The following ADAMTSL3 variants were observed in gnomAD, a reference collection of about 807,000 sequenced individuals.
ADAMTSL3 encodes ADAMTS like 3, also known as ADAMTS-like protein 3.
ADAMTSL3 carries 128 observed loss-of-function variants against 201.7 expected under a neutral mutation model. That is an observed-to-expected ratio of 0.63 (90% CI 0.55 to 0.73). ADAMTSL3 has a LOEUF of 0.73. Among genes scored for constraint, ADAMTSL3 ranks in the 30% least tolerant of loss-of-function variants. The probability of loss-of-function intolerance (pLI) is 0.00; values close to 1 mark genes in which losing one functional copy is unlikely to be tolerated. For missense variants in ADAMTSL3, 1,990 were observed against 2,119.6 expected, an observed-to-expected ratio of 0.94 and a Z score of 1.20; for synonymous variants, 738 against 748.4, an observed-to-expected ratio of 0.99 and a Z score of 0.23.
chr15:83,842,359 G>A (rs1185370260), intron 7 of ADAMTSL3, among the ~76,000 whole-genome samples: 1 of 152,016 alleles, frequency 6.6e-6, no homozygotes, highest in Non-Finnish European at 1.5e-5. Flanking sequence ...AGCTGAAAGA[G>A]CACACTGTAA....
intron 16 of ADAMTSL3, among the ~76,000 whole-genome samples, chr15:83,916,240 T>G (rs954395357): frequency 1.3e-5 from 2 of 152,214 alleles, no homozygotes; most frequent in Non-Finnish European, 2.9e-5. Flanking sequence ...TTACAAATTT[T>G]AGAAAAGCTC....
intron 17 of ADAMTSL3, among the ~76,000 whole-genome samples, chr15:83,926,968 C>G (rs1393168166): frequency 6.6e-6 from 1 of 151,996 alleles, no homozygotes; most frequent in Non-Finnish European, 1.5e-5. Context: ...TATTTGTAGC[C>G]ATGAATATCA....
At chr15:83,970,863 T>G (rs1283354650) in intron 20 of ADAMTSL3, among the ~76,000 whole-genome samples, 37 of 152,248 alleles carry the variant, frequency 2.4e-4, no homozygotes, top group Admixed American at 2.4e-3. Context: ...AATGCATCTT[T>G]TAGGCTTCCT....
chr15:83,799,026 C>T (rs1287007682), intron 4 of ADAMTSL3, among the ~76,000 whole-genome samples: 2 of 152,134 alleles, frequency 1.3e-5, no homozygotes, highest in African/African-American at 4.8e-5. Context: ...AGAACTTTCA[C>T]TGTCATTTTG....
At chr15:83,765,071 A>C (rs562047364) in intron 3 of ADAMTSL3, among the ~76,000 whole-genome samples, 1 of 152,294 alleles carries the variant, frequency 6.6e-6, no homozygotes, top group South Asian at 2.1e-4. Flanking sequence ...CAGAGGGTAG[A>C]ATGGACTGAA....
intron 2 of ADAMTSL3, among the ~76,000 whole-genome samples, chr15:83,688,745 T>G (rs1016629946): frequency 2.6e-5 from 2 of 76,128 alleles, no homozygotes; most frequent in African/African-American, 1.7e-4. Context: ...AGTATACACA[T>G]GCATATATAT....
chr15:83,656,581 G>T (rs1399409064), intron 2 of ADAMTSL3, among the ~76,000 whole-genome samples: 1 of 152,296 alleles, frequency 6.6e-6, no homozygotes, highest in Middle Eastern at 3.4e-3. Flanking sequence ...GTATTGAAAG[G>T]CAGATAAATG....
chr15:83,988,507 A>G (rs2067522916), intron 21 of ADAMTSL3, among the ~76,000 whole-genome samples, 184 bp from the exon 22 acceptor site: 1 of 152,160 alleles, frequency 6.6e-6, no homozygotes, highest in Non-Finnish European at 1.5e-5. Flanking sequence ...GCAAGAGGAA[A>G]CACTCCACCC....
chr15:83,942,271 G>T (rs2142034688), intron 17 of ADAMTSL3, among the ~76,000 whole-genome samples: 1 of 152,258 alleles, frequency 6.6e-6, no homozygotes, highest in East Asian at 1.9e-4. Context: ...AATCATCATT[G>T]CCTTGGGGCT....
rs187739413 is a variant in ADAMTSL3, at chr15:83,975,065, G to C, written c.2644+4428G>C. Among the ~76,000 whole-genome samples the C allele has an allele frequency of 9.0e-5, 13 of 143,924 alleles. No homozygotes were observed. The Admixed American group carries it at 9.4e-4, about 10-fold the overall frequency. 94.4% of individuals were successfully genotyped at this position (143,924 alleles called of 152,430 possible). On this transcript the variant is annotated intron_variant, in intron 20 of 29. Transcript: ENST00000286744. ...CGCCTAGGCTGGAGTGCAGTGGCGCGATCTCAGCTCACTGCAAGCTCTGCC... is the reference window on the plus strand; with the variant it reads ...CGCCTAGGCTGGAGTGCAGTGGCGCCATCTCAGCTCACTGCAAGCTCTGCC...
chr15:83,709,929 C>T (rs777911938), intron 3 of ADAMTSL3, among the ~76,000 whole-genome samples: 1 of 152,072 alleles, frequency 6.6e-6, no homozygotes, highest in Non-Finnish European at 1.5e-5. Flanking sequence ...AATTGGGCCT[C>T]ATGCACACTT....
chr15:83,770,950 C>G (rs1272276126), intron 3 of ADAMTSL3, among the ~76,000 whole-genome samples: 1 of 152,004 alleles, frequency 6.6e-6, no homozygotes, highest in Non-Finnish European at 1.5e-5. Flanking sequence ...ACCTGTAGTC[C>G]CAGCTACTCA....
At chr15:83,812,500 G>T (rs1283061830) in intron 5 of ADAMTSL3, among the ~76,000 whole-genome samples, 1 of 152,176 alleles carries the variant, frequency 6.6e-6, no homozygotes, top group African/African-American at 2.4e-5. Context: ...GACCGTAAAA[G>T]CCCTGTATTA....
At chr15:83,729,395 C>G (rs543945884) in intron 3 of ADAMTSL3, among the ~76,000 whole-genome samples, 33 of 152,038 alleles carry the variant, frequency 2.2e-4, no homozygotes, top group Non-Finnish European at 4.4e-4. Context: ...TCTTAGATGT[C>G]CCCTGTTGAG....
rs2066581449 is a variant in ADAMTSL3 at position 83,942,611 on chromosome 15, T to C, written c.2133T>C (p.Ser711=). 1.2e-6 allele frequency: 2 copies of C among 1,613,314 alleles called. No homozygotes were observed. The highest frequency in any genetic ancestry group is 2.2e-5 in the East Asian group (1 of 44,866). The change falls in exon 18 of 30, where the codon TCT becomes TCC. Residue 711 remains serine (S), a synonymous_variant. Transcript: ENST00000286744. ...TCTGTTTTAGGTGGCATGTGGGCTCTTGGGGGCCCTGCTCAGCTACCTGTG... is the reference window on the plus strand; with the variant it reads ...TCTGTTTTAGGTGGCATGTGGGCTCCTGGGGGCCCTGCTCAGCTACCTGTG... ...EPCPPRWHVG[S]WGPCSATCGV...
intron 2 of ADAMTSL3, among the ~76,000 whole-genome samples, chr15:83,657,317 A>G (rs761202162): frequency 1.3e-5 from 2 of 152,012 alleles, no homozygotes; most frequent in Non-Finnish European, 2.9e-5. Flanking sequence ...AGCTTGAATC[A>G]CTCACTGACC....
intron 6 of ADAMTSL3, among the ~76,000 whole-genome samples, chr15:83,836,668 A>G (rs879945139): frequency 1.3e-5 from 2 of 152,202 alleles, no homozygotes; most frequent in Non-Finnish European, 2.9e-5. Flanking sequence ...TGAATCCTTT[A>G]TAGTGTTTGA....
At chr15:83,676,790 A>C (rs990997856) in intron 2 of ADAMTSL3, among the ~76,000 whole-genome samples, 2 of 152,230 alleles carry the variant, frequency 1.3e-5, no homozygotes, top group Non-Finnish European at 2.9e-5. Flanking sequence ...CCCTTATAAA[A>C]TAGGCCAAAA....
intron 13 of ADAMTSL3, among the ~76,000 whole-genome samples, chr15:83,895,752 G>A (rs1222114455): frequency 1.4e-5 from 2 of 144,694 alleles, no homozygotes; most frequent in Non-Finnish European, 3.0e-5. Context: ...TTTCTTTCTT[G>A]GCTAAAACAG....
Sources: gnomAD v4.1 joint callset for allele counts (sites outside exome capture counted in the v4.1 genomes callset) on GRCh38, gnomAD v4.1.1 for gene constraint, MANE v1.5 for transcripts, NCBI Gene and HGNC (gene_info 2026-07-23, HGNC 2026-07-21) for gene names.